The following ZC3H6 variants were observed in gnomAD, a reference collection of about 807,000 sequenced individuals.
ZC3H6 encodes zinc finger CCCH-type containing 6, also known as zinc finger CCCH domain-containing protein 6.
ZC3H6 carries 40 observed loss-of-function variants against 107.7 expected under a neutral mutation model. The observed-to-expected ratio is 0.37, with a 90% CI of 0.29 to 0.48. The LOEUF is 0.48. Ranked by LOEUF, ZC3H6 falls within the 20% of genes least tolerant of loss-of-function variation. The probability of loss-of-function intolerance (pLI) is 0.98; values close to 1 mark genes in which losing one functional copy is unlikely to be tolerated. For synonymous variants in ZC3H6, 493 were observed against 487.9 expected (o/e 1.01, Z -0.14); for missense variants, 1,267 against 1,410.4 (o/e 0.90, Z 1.63).
chr2:112,315,502 T>C (rs1676680244), intron 5 of ZC3H6, among the ~76,000 whole-genome samples: 2 of 152,170 alleles, frequency 1.3e-5, no homozygotes, highest in African/African-American at 2.4e-5. Flanking sequence ...GGGGGTATAT[T>C]CTTTTTGTCT....
chr2:112,300,065 T>C (rs1676338966), intron 2 of ZC3H6, 36 bp downstream of exon 2: 3 of 1,271,630 alleles, frequency 2.4e-6, no homozygotes, highest in Non-Finnish European at 3.1e-6. Flanking sequence ...TTTTGATAAA[T>C]GTTTATGAAA....
intron 11 of ZC3H6, among the ~76,000 whole-genome samples, chr2:112,330,800 T>C (rs1677012408): frequency 1.3e-5 from 2 of 152,156 alleles, no homozygotes; most frequent in African/African-American, 4.8e-5. Context: ...TTTGTTCCAG[T>C]ATTGAAATCT....
Position 112,332,424 on chromosome 2 carries a change from C to T in ZC3H6, c.3506C>T (p.Thr1169Ile). 6.2e-7 allele frequency: 1 copy of T among 1,611,576 alleles called. No individual in the cohort carries two copies. The highest frequency in any genetic ancestry group is 8.5e-7 in the Non-Finnish European group (1 of 1,179,434). ...CCAGATAATGATCCCGGTAGAGAAA[C>T]AGATGACAAATCTCTGAAAGAGGTT... ...PTPDNDPGRE[T>I]DDKSLKEVFK... Residue 1169 changes from threonine to isoleucine, a missense_variant, in exon 12 of 12, where the codon ACA (threonine) becomes ATA (isoleucine). Around this residue, in one of 3 missense-constraint regions of ZC3H6, gnomAD observed 925 missense variants for 1,025.7 expected, o/e 0.90. Transcript: ENST00000409871.
intron 2 of ZC3H6, among the ~76,000 whole-genome samples, chr2:112,302,045 T>G (rs4450607): frequency 0.51 from 77,280 of 151,612 alleles, 21,888 homozygotes; most frequent in East Asian, 0.77. Context: ...TCAAAAAGTC[T>G]GAGACTTTTT....
chr2:112,299,530 G>A (rs1354800194), intron 1 of ZC3H6, among the ~76,000 whole-genome samples: 2 of 152,118 alleles, frequency 1.3e-5, no homozygotes, highest in Non-Finnish European at 2.9e-5. Context: ...GGAGTACTTT[G>A]GGATAGCACT....
intron 1 of ZC3H6, among the ~76,000 whole-genome samples, chr2:112,293,062 G>A (rs1254990439): frequency 6.6e-6 from 1 of 152,176 alleles, no homozygotes; most frequent in Non-Finnish European, 1.5e-5. Flanking sequence ...GCCATGTGTA[G>A]TTTTAAGAAC....
intron 7 of ZC3H6, among the ~76,000 whole-genome samples, chr2:112,320,487 T>C (rs1050764308): frequency 6.6e-6 from 1 of 152,174 alleles, no homozygotes; most frequent in Non-Finnish European, 1.5e-5. Flanking sequence ...TATTCACCTC[T>C]GTAAGAGTAT....
At chr2:112,293,980 C>T (rs1270378195) in intron 1 of ZC3H6, among the ~76,000 whole-genome samples, 4 of 152,166 alleles carry the variant, frequency 2.6e-5, no homozygotes, top group African/African-American at 9.7e-5. Flanking sequence ...TTTTAGCCTA[C>T]AGCTACATCC....
chr2:112,288,068 T>C (rs1455875181), intron 1 of ZC3H6, among the ~76,000 whole-genome samples: 1 of 152,236 alleles, frequency 6.6e-6, no homozygotes, highest in Non-Finnish European at 1.5e-5. Flanking sequence ...CCATTTTATG[T>C]TTTATTGTTG....
At position 112,329,935 on chromosome 2, in the gene ZC3H6, C is replaced by T. The variant is rs191914199; in HGVS notation, c.2087-1070C>T. Among the ~76,000 whole-genome samples the T allele has an allele frequency of 3.3e-3, 504 of 152,164 alleles. 2 individuals are homozygous for T. The highest frequency in any genetic ancestry group is 0.011 in the African/African-American group (476 of 41,496). ...TTCCTTCTGCTAGAGAAAAGACTTA[C>T]GATAGGTAGGCTTCTTTAGGTAGGC... On this transcript the variant is annotated intron_variant, in intron 11 of 11. Transcript: ENST00000409871.
intron 1 of ZC3H6, among the ~76,000 whole-genome samples, chr2:112,293,013 G>A (rs1486400319): frequency 3.3e-5 from 5 of 152,184 alleles, no homozygotes; most frequent in Non-Finnish European, 7.3e-5. Flanking sequence ...GCAAATGTAA[G>A]TAAATATGTT....
Position 112,299,951 on chromosome 2 carries a change from C to A in ZC3H6, c.135C>A (p.Ala45=). 6.7e-7 allele frequency: 1 copy of A among 1,500,578 alleles called. No individual in the cohort carries two copies. The highest frequency in any genetic ancestry group is 8.9e-7 in the Non-Finnish European group (1 of 1,125,230). The allele number at this position is 1,500,578 out of a possible 1,614,324, so 93.0% of individuals were successfully genotyped here. Residue 45 remains alanine, a synonymous_variant, in exon 2 of 12, where the codon GCC becomes GCA. Transcript: ENST00000409871. The part of the protein sequence containing the change: ...KENEKQKSEK[A]YRKSRKKHKK... The stretch of plus-strand genomic sequence containing the variant: ...ATGAAAAGCAGAAAAGTGAGAAAGC[C>A]TACAGAAAATCAAGAAAAAAACATA...
At chr2:112,277,886 A>G (rs1686456112) in intron 1 of ZC3H6, among the ~76,000 whole-genome samples, 1 of 152,178 alleles carries the variant, frequency 6.6e-6, no homozygotes, top group Non-Finnish European at 1.5e-5. Context: ...GATCAGATCA[A>G]TGGTTCTAAA....
chr2:112,278,120 A>C (rs1280628036), intron 1 of ZC3H6, among the ~76,000 whole-genome samples: 1 of 152,192 alleles, frequency 6.6e-6, no homozygotes, highest in Admixed American at 6.5e-5. Context: ...CAGAATCTCT[A>C]GGGTATTTTT....
At chr2:112,315,288 G>A (rs1261011306) in intron 5 of ZC3H6, among the ~76,000 whole-genome samples, 3 of 152,148 alleles carry the variant, frequency 2.0e-5, no homozygotes, top group Non-Finnish European at 4.4e-5. Flanking sequence ...GGGGACTCAG[G>A]AGAAGTAAGG....
intron 11 of ZC3H6, among the ~76,000 whole-genome samples, chr2:112,329,224 C>A (rs1676973684): frequency 1.3e-5 from 2 of 152,064 alleles, no homozygotes; most frequent in Admixed American, 6.6e-5. Context: ...TTCCACCAGC[C>A]TGTCTCTATT....
At chr2:112,278,976 T>C (rs1686477458) in intron 1 of ZC3H6, among the ~76,000 whole-genome samples, 1 of 152,166 alleles carries the variant, frequency 6.6e-6, no homozygotes, top group Non-Finnish European at 1.5e-5. Context: ...AATGAATAAT[T>C]TAAAAAAAAT....
intron 1 of ZC3H6, among the ~76,000 whole-genome samples, chr2:112,295,332 A>C (rs766612237): frequency 6.6e-6 from 1 of 152,152 alleles, no homozygotes; most frequent in Non-Finnish European, 1.5e-5. Context: ...TACATTTTTT[A>C]AAGTCTTGTG....
chr2:112,317,837 A>T (rs1391029309), intron 7 of ZC3H6, among the ~76,000 whole-genome samples: 2 of 152,136 alleles, frequency 1.3e-5, no homozygotes, highest in African/African-American at 4.8e-5. Flanking sequence ...CTGGTCCTTT[A>T]AAAAAATGTA....
Sources: allele counts gnomAD v4.1 joint callset (sites outside exome capture counted in the v4.1 genomes callset), GRCh38; gene constraint gnomAD v4.1.1; regional missense constraint gnomAD v4.1.1; transcripts MANE v1.5; gene names NCBI Gene and HGNC (gene_info 2026-07-23, HGNC 2026-07-21).